Variants in ARID1A observed in about 807,000 individuals in gnomAD.
ARID1A encodes the protein AT-rich interactive domain-containing protein 1A.
ARID1A carries 20 observed loss-of-function variants against 212.6 expected under a neutral mutation model. That is an observed-to-expected ratio of 0.09 (90% confidence interval 0.07 to 0.14). The LOEUF is 0.14. Ranked by LOEUF, ARID1A falls within the 10% of genes least tolerant of loss-of-function variation. ARID1A has a pLI of 1.00. For synonymous variants in ARID1A, 1,376 were observed against 1,222.1 expected (o/e 1.13, Z -2.63); for missense variants, 2,587 against 3,059.0 (o/e 0.85, Z 3.64).
At chr1:26,709,796 C>G (rs2080432413) in intron 1 of ARID1A, among the ~76,000 whole-genome samples, 1 of 151,394 alleles carries the variant, frequency 6.6e-6, no homozygotes, top group Non-Finnish European at 1.5e-5. Context: ...GAGCTACAAG[C>G]ACATGTCACT....
At chr1:26,705,220 C>T (rs989967358) in intron 1 of ARID1A, among the ~76,000 whole-genome samples, 1 of 152,004 alleles carries the variant, frequency 6.6e-6, no homozygotes, top group African/African-American at 2.4e-5. Context: ...TCATTGCAAC[C>T]TCTGCCTCCC....
intron 4 of ARID1A, among the ~76,000 whole-genome samples, 171 bp downstream of exon 4, chr1:26,732,963 C>T (rs1318352792): frequency 1.3e-5 from 2 of 152,154 alleles, no homozygotes; most frequent in Non-Finnish European, 2.9e-5. Flanking sequence ...TCTCCCTGCC[C>T]AGGGAATAGG....
At chr1:26,735,282 C>G (rs190992569) in intron 4 of ARID1A, among the ~76,000 whole-genome samples, 66 of 151,610 alleles carry the variant, frequency 4.4e-4, no homozygotes, top group Non-Finnish European at 2.5e-4. Flanking sequence ...CTCGCCACTA[C>G]GCCCAACTAA....
chr1:26,773,138 C>G, intron 14 of ARID1A, 151 bp downstream of exon 14: 1 of 1,269,850 alleles, frequency 7.9e-7, no homozygotes, highest in South Asian at 1.5e-5. Context: ...ATCCTTACCT[C>G]CTTTCTTGTC....
rs2081115397 is a variant in ARID1A at position 26,774,537 on chromosome 1, C to G, written c.4310C>G (p.Ala1437Gly). ...VYNQYGNAYP[A>G]TATAATERRP... The stretch of plus-strand genomic sequence containing the variant: ...AACCAGTATGGCAATGCCTATCCTG[C>G]CACTGCCACAGCTGCTACTGAGCGC... Residue 1437 changes from alanine to glycine, a missense_variant, in exon 18 of 20, where the codon GCC becomes GGC. This residue lies in a region of ARID1A where 890 missense variants were observed against 1,098.2 expected (regional missense o/e 0.81). Transcript: ENST00000324856. The surrounding 1 kb of genome is among the most constrained non-coding windows in gnomAD (Gnocchi z 5.6). 1.2e-6 allele frequency: 2 copies of G among 1,614,158 alleles called. No individual in the cohort carries two copies. Among genetic ancestry groups the G allele is most frequent in the Non-Finnish European group, 1.7e-6 (2 of 1,180,006 alleles).
At position 26,729,809 on chromosome 1, in the gene ARID1A, G is replaced by A. The variant is rs2124785555; in HGVS notation, c.1296G>A (p.Met432Ile). The change falls in exon 2 of 20, where the codon ATG becomes ATA. Residue 432 changes from methionine (M) to isoleucine (I), a missense_variant. Physicochemically the swap from Met to Ile is conservative, Grantham distance 10. This residue lies in a region of ARID1A where 674 missense variants were observed against 813.4 expected (regional missense o/e 0.83). Transcript: ENST00000324856. ...CCCAGACCCCGCAGCGGTACCCGAT[G>A]ACCATGCAGGGCCGGGCGCAGAGTG... ...YGSQTPQRYP[M>I]TMQGRAQSAM... 1 of 1,614,220 alleles carries A rather than the reference G, an allele frequency of 6.2e-7. No homozygotes were observed. The highest frequency in any genetic ancestry group is 8.5e-7 in the Non-Finnish European group (1 of 1,180,044).
At chr1:26,729,291 A>C (rs1324355733) in intron 1 of ARID1A, 1 of 252,686 alleles carries the variant, frequency 4.0e-6, no homozygotes, top group Non-Finnish European at 7.8e-6. Context: ...TTGAAGCATC[A>C]ATTTTGGTGT....
At chr1:26,772,130 G>A (rs1356084987) in intron 12 of ARID1A, 2 of 211,808 alleles carry the variant, frequency 9.4e-6, no homozygotes, top group Non-Finnish European at 1.9e-5. Flanking sequence ...TCCCACCCAG[G>A]ACTTGGGAGG....
intron 4 of ARID1A, among the ~76,000 whole-genome samples, chr1:26,737,487 T>C (rs2080744799): frequency 6.6e-6 from 1 of 152,162 alleles, no homozygotes; most frequent in Non-Finnish European, 1.5e-5. Context: ...GTGCCCCCAG[T>C]ACCTATCATG....
chr1:26,716,253 A>T (rs1215606150), intron 1 of ARID1A, among the ~76,000 whole-genome samples: 1 of 152,048 alleles, frequency 6.6e-6, no homozygotes, highest in African/African-American at 2.4e-5. Flanking sequence ...TATCTGCCAC[A>T]TGCTAGTTGC....
At chr1:26,741,775 G>C (rs557328010) in intron 4 of ARID1A, among the ~76,000 whole-genome samples, 1 of 152,282 alleles carries the variant, frequency 6.6e-6, no homozygotes, top group Non-Finnish European at 1.5e-5. Context: ...TATCCCTTGA[G>C]TTTCTGAGCC....
chr1:26,730,475 G>A (rs1400231627), intron 2 of ARID1A, among the ~76,000 whole-genome samples: 1 of 152,044 alleles, frequency 6.6e-6, no homozygotes, highest in Non-Finnish European at 1.5e-5. Flanking sequence ...CTGAAAATAG[G>A]GAGAGAATAT....
intron 1 of ARID1A, among the ~76,000 whole-genome samples, chr1:26,718,032 A>C (rs957422573): frequency 6.6e-5 from 10 of 152,072 alleles, no homozygotes; most frequent in African/African-American, 2.2e-4. Context: ...TGGAGTGCAA[A>C]GGTGCAATCT....
Position 26,762,308 on chromosome 1 carries a change from A to G in ARID1A, c.2408A>G (p.Tyr803Cys), listed in dbSNP as rs2081000043. The change falls in exon 7 of 20, where the codon TAT becomes TGT. Residue 803 changes from tyrosine (Y) to cysteine (C), a missense_variant. Physicochemically the swap from Tyr to Cys is radical, Grantham distance 194. Around this residue, in one of 11 missense-constraint regions of ARID1A, gnomAD observed 674 missense variants for 813.4 expected, o/e 0.83. Coordinates refer to ENST00000324856, the MANE Select transcript of ARID1A (RefSeq NM_006015.6). ...MGSYGPQGGQ[Y>C]GPQGGYPRQP... ...AGCTATGGTCCCCAGGGGGGTCAGT[A>G]TGGCCCACAAGGTCAGTATACTACC... 5.6e-6 allele frequency: 9 copies of G among 1,614,066 alleles called. No individual in the cohort carries two copies. The highest frequency in any genetic ancestry group is 7.6e-6 in the Non-Finnish European group (9 of 1,179,974).
chr1:26,734,919 T>G (rs1256351092), intron 4 of ARID1A, among the ~76,000 whole-genome samples: 1 of 152,190 alleles, frequency 6.6e-6, no homozygotes, highest in Non-Finnish European at 1.5e-5. Flanking sequence ...CACATTGCTC[T>G]CCTTACTCAT....
rs990716737 is a variant in ARID1A, at chr1:26,761,026, G to A, written c.2091G>A (p.Pro697=). The A allele has an allele frequency of 2.8e-5, 45 of 1,613,748 alleles. No individual in the cohort carries two copies. The highest frequency in any genetic ancestry group is 1.0e-4 in the Admixed American group (6 of 59,980). ...PHLPGIRGPS[P]SPVGSPASVA... is the part of the protein sequence containing the mutation. ...TGCCTGGCATCCGAGGCCCTTCCCC[G>A]TCCCCTGTTGGCTCTCCCGCCAGTG... is the stretch of plus-strand genomic sequence containing the variant. Residue 697 remains proline, a synonymous_variant, in exon 5 of 20, where the codon CCG becomes CCA. Transcript: ENST00000324856.
At position 26,781,158 on chromosome 1, in the gene ARID1A, G is replaced by GT. The variant is rs1007784903; in HGVS notation, c.*403dup. On this transcript the variant is annotated 3_prime_UTR_variant, in exon 20 of 20. Coordinates refer to ENST00000324856, the MANE Select transcript of ARID1A (RefSeq NM_006015.6). Reference sequence around the variant, plus strand: ...CCACATTTCATAACTGTTTTTAATGGTAAAAAAAAAAAAAAAAAATACAAA... The same window carrying GT: ...CCACATTTCATAACTGTTTTTAATGGTTAAAAAAAAAAAAAAAAAATACAAA... 7 of 221,484 alleles carry GT rather than the reference G, an allele frequency of 3.2e-5. No individual in the cohort carries two copies. Among genetic ancestry groups the GT allele is most frequent in the African/African-American group, 7.1e-5 (3 of 42,076 alleles). The allele number at this position is 221,484 out of a possible 1,614,324, so 13.7% of individuals were successfully genotyped here.
chr1:26,761,402 G>T lies in ARID1A; in HGVS notation c.2180G>T (p.Arg727Leu). The T allele has an allele frequency of 1.2e-6, 2 of 1,614,154 alleles. No individual in the cohort carries two copies. The highest frequency in any genetic ancestry group is 1.1e-5 in the South Asian group (1 of 91,078). ...GGAGCAGGCAACCAGATGCCACCTC[G>T]GCCACCCAGTGGCCAGTCGGACAGC... The part of the protein sequence containing the change: ...AAVPGNQMPP[R>L]PPSGQSDSIM... The change falls in exon 6 of 20, where the codon CGG becomes CTG. Residue 727 changes from arginine to leucine, a missense_variant. Physicochemically the swap from Arg to Leu is moderately radical, Grantham distance 102 (BLOSUM62 -2). Around this residue, in one of 11 missense-constraint regions of ARID1A, gnomAD observed 674 missense variants for 813.4 expected, o/e 0.83. Coordinates refer to ENST00000324856, the MANE Select transcript of ARID1A (RefSeq NM_006015.6).
chr1:26,738,219 T>A (rs2080753236), intron 4 of ARID1A, among the ~76,000 whole-genome samples: 1 of 152,070 alleles, frequency 6.6e-6, no homozygotes, highest in Non-Finnish European at 1.5e-5. Context: ...AGACGAGGTT[T>A]CACTATGTTG....
Sources: allele counts gnomAD v4.1 joint callset (sites outside exome capture counted in the v4.1 genomes callset), GRCh38; gene constraint gnomAD v4.1.1; regional missense constraint gnomAD v4.1.1; non-coding constraint Gnocchi (gnomAD v3.1); transcripts MANE v1.5; gene names NCBI Gene and HGNC (gene_info 2026-07-23, HGNC 2026-07-21).